Variants in ARL10 observed in about 807,000 individuals in gnomAD.
ARL10 encodes ADP-ribosylation factor-like protein 10.
ARL10 carries 23 observed loss-of-function variants against 26.1 expected under a neutral mutation model. The observed-to-expected ratio is 0.88, with a 90% confidence interval of 0.63 to 1.25. The LOEUF is 1.25. Among genes scored for constraint, ARL10 ranks in the 50% most tolerant of loss-of-function variants. The pLI, the probability that ARL10 is intolerant of heterozygous loss-of-function variation, is 0.00. For synonymous variants in ARL10, 138 were observed against 149.1 expected (o/e 0.93, Z 0.54); for missense variants, 300 against 323.6 (o/e 0.93, Z 0.56).
At chr5:176,414,290 T>C in the ARL10 span, among the ~76,000 whole-genome samples, 12 of 152,268 alleles carry the variant, frequency 7.9e-5, no homozygotes, top group East Asian at 5.8e-4. Context: ...AGGAATTCCC[T>C]GGGACACGGC....
intron 1 of ARL10, among the ~76,000 whole-genome samples, chr5:176,401,441 C>G (rs908450750): frequency 1.3e-5 from 2 of 152,228 alleles, no homozygotes; most frequent in Non-Finnish European, 2.9e-5. Context: ...TGTGCCAGCC[C>G]ATGTGGGTGT....
At chr5:176,386,720 G>C (rs2113590071), downstream of ARL10, 2 of 861,266 alleles carry the variant, frequency 2.3e-6, no homozygotes, top group East Asian at 4.8e-5. Context: ...CTTTGAACCA[G>C]CTCACTTCTC....
the ARL10 span, among the ~76,000 whole-genome samples, chr5:176,412,413 G>A: frequency 1.3e-5 from 2 of 152,148 alleles, no homozygotes; most frequent in Non-Finnish European, 2.9e-5. Flanking sequence ...GTCCTATTCA[G>A]CTCCTCAGGG....
downstream of ARL10, among the ~76,000 whole-genome samples, chr5:176,402,560 T>G (rs1756878565): frequency 7.3e-6 from 1 of 137,730 alleles, no homozygotes; most frequent in Non-Finnish European, 1.5e-5. Context: ...GTTTACCTGT[T>G]TATTTTCTGT....
At chr5:176,370,532 A>G (rs933767846) in intron 3 of ARL10, among the ~76,000 whole-genome samples, 1 of 152,114 alleles carries the variant, frequency 6.6e-6, no homozygotes, top group Non-Finnish European at 1.5e-5. Context: ...ACATTTGACA[A>G]TTATTTATAA....
At chr5:176,397,921 C>T (rs773204336) in intron 1 of ARL10, 56 of 1,612,090 alleles carry the variant, frequency 3.5e-5, no homozygotes, top group Non-Finnish European at 4.4e-5. Flanking sequence ...GCCTCAGCCC[C>T]GCCCTCACCC....
intron 1 of ARL10, chr5:176,386,934 C>A: frequency 6.2e-7 from 1 of 1,605,742 alleles, no homozygotes; most frequent in South Asian, 1.1e-5. Context: ...GCCCTTGAGA[C>A]CAGAAGGATC....
At chr5:176,387,875 T>C (rs1756011279) in intron 1 of ARL10, among the ~76,000 whole-genome samples, 1 of 152,146 alleles carries the variant, frequency 6.6e-6, no homozygotes, top group Non-Finnish European at 1.5e-5. Context: ...AGACCAAGGA[T>C]GATTGAATAA....
chr5:176,394,500 C>T (rs934215448), intron 1 of ARL10, among the ~76,000 whole-genome samples: 1 of 151,886 alleles, frequency 6.6e-6, no homozygotes, highest in Non-Finnish European at 1.5e-5. Context: ...GGTGAAACCC[C>T]ATCTCTACTA....
intron 3 of ARL10, among the ~76,000 whole-genome samples, chr5:176,370,487 T>G (rs1478020020): frequency 6.6e-6 from 1 of 152,224 alleles, no homozygotes; most frequent in Non-Finnish European, 1.5e-5. Context: ...AGAGACTGTA[T>G]GTCTTCGACC....
chr5:176,371,593 A>G (rs958863498), intron 3 of ARL10, 129 bp from the exon 4 acceptor site: 2 of 582,262 alleles, frequency 3.4e-6, no homozygotes, highest in East Asian at 5.8e-5. Flanking sequence ...TCCCGGGGAT[A>G]GCCTAAGAAC....
downstream of ARL10, chr5:176,386,596 G>T: frequency 1.7e-6 from 1 of 586,484 alleles, no homozygotes; most frequent in Non-Finnish European, 3.2e-6. Context: ...ATTCTCCCAG[G>T]CACCTGGGTA....
the ARL10 span, among the ~76,000 whole-genome samples, chr5:176,413,830 T>G: frequency 6.6e-6 from 1 of 152,068 alleles, no homozygotes; most frequent in Non-Finnish European, 1.5e-5. Flanking sequence ...CCGATCCAAC[T>G]AAGGAGGGCA....
At chr5:176,402,993 G>C (rs1328375576), downstream of ARL10, among the ~76,000 whole-genome samples, 1 of 152,084 alleles carries the variant, frequency 6.6e-6, no homozygotes, top group East Asian at 1.9e-4. Context: ...CCCTGAACAG[G>C]AGTCTCTTTT....
chr5:176,371,248 A>ATGTG (rs879265022), intron 3 of ARL10, among the ~76,000 whole-genome samples: 17 of 152,136 alleles, frequency 1.1e-4, no homozygotes, highest in South Asian at 2.1e-4. Context: ...GGTGGCTCAC[A>ATGTG]CCTGTAGTCC....
chr5:176,403,599 G>A (rs13168952), downstream of ARL10, among the ~76,000 whole-genome samples: 14,105 of 151,768 alleles, frequency 0.093, 790 homozygotes, highest in African/African-American at 0.13. Flanking sequence ...GATTACAGGC[G>A]CCCACGACCA....
chr5:176,385,026 C>A (rs969568952), downstream of ARL10: 31 of 592,246 alleles, frequency 5.2e-5, no homozygotes, highest in Middle Eastern at 1.3e-3. Flanking sequence ...AGACTGGAAC[C>A]AAGGTCACTC....
Position 176,394,543 on chromosome 5 carries a change from C to T in ARL10, c.134-7198C>T, listed in dbSNP as rs534636644. ...AAAAAATTAGCTGGGTGTGGCCAGG[C>T]GCGGTGGCTCATGCCTGTAATCCCA... On this transcript the variant is annotated intron_variant, in intron 1 of 1. Coordinates refer to the ARL10 transcript ENST00000514533. 5.1e-4 allele frequency among the ~76,000 whole-genome samples: 77 copies of T among 151,920 alleles called. 2 individuals are homozygous for T. The highest frequency in any genetic ancestry group is 2.5e-3 in the South Asian group (12 of 4,820).
At chr5:176,410,702 G>A in the ARL10 span, among the ~76,000 whole-genome samples, 7 of 151,596 alleles carry the variant, frequency 4.6e-5, no homozygotes, top group African/African-American at 1.7e-4. Context: ...TGAGTAGGCT[G>A]AGCTGCTGTA....
Sources: gnomAD v4.1 joint callset for allele counts (sites outside exome capture counted in the v4.1 genomes callset) on GRCh38, gnomAD v4.1.1 for gene constraint, MANE v1.5 for transcripts, NCBI Gene and HGNC (gene_info 2026-07-23, HGNC 2026-07-21) for gene names.